The following MED22 variants were observed in gnomAD, a reference collection of about 807,000 sequenced individuals.
MED22 encodes mediator complex subunit 22.
A neutral mutation model predicts 22.7 loss-of-function variants in MED22; 22 were observed. That is an observed-to-expected ratio of 0.97 (90% CI 0.69 to 1.38). The LOEUF (loss-of-function observed/expected upper bound fraction) is 1.38. Ranked by LOEUF, MED22 falls within the 40% of genes most tolerant of loss-of-function variation. The probability of loss-of-function intolerance (pLI) is 0.00; values close to 1 mark genes in which losing one functional copy is unlikely to be tolerated. For missense variants in MED22, 247 were observed against 263.0 expected, an observed-to-expected ratio of 0.94 and a Z score of 0.42; for synonymous variants, 134 against 119.4, an observed-to-expected ratio of 1.12 and a Z score of -0.80.
At position 133,338,733 on chromosome 9, in the gene MED22, C is replaced by T. The variant is rs1156602951; in HGVS notation, c.*2772G>A. 1 of 313,954 alleles carries T rather than the reference C, an allele frequency of 3.2e-6. No homozygotes were observed. Among genetic ancestry groups the T allele is most frequent in the Admixed American group, 4.0e-5 (1 of 24,774 alleles). 19.4% of individuals were successfully genotyped at this position (313,954 alleles called of 1,614,324 possible). On this transcript the variant is annotated 3_prime_UTR_variant, in exon 5 of 5. Transcript: ENST00000343730. ...CTGGGGTTGCAGGCGTAAGCCACCG[C>T]GCCCGGCCGATTTCTATACTTTTTA...
Position 133,346,616 on chromosome 9 carries a change from T to G in MED22, c.47A>C (p.Gln16Pro), listed in dbSNP as rs2129969148. Residue 16 changes from glutamine to proline, a missense_variant, in exon 2 of 5, where the codon CAG becomes CCG. By Grantham distance (76) the Gln-to-Pro change is moderately conservative. Transcript: ENST00000343730. ...ALPQSKETLL[Q>P]SYNKRLKDDI... Reference sequence around the variant, plus strand: ...GTCCTTCAGCCGCTTGTTGTAGGACTGCAGCAGCGTCTCCTTGCTCTGGGG... The same window carrying G: ...GTCCTTCAGCCGCTTGTTGTAGGACGGCAGCAGCGTCTCCTTGCTCTGGGG... 6.2e-7 allele frequency: 1 copy of G among 1,612,926 alleles called. No individual in the cohort carries two copies. Among genetic ancestry groups the G allele is most frequent in the Admixed American group, 1.7e-5 (1 of 60,032 alleles).
chr9:133,348,065 C>A lies in MED22; in HGVS notation c.-182G>T. On this transcript the variant is annotated 5_prime_UTR_variant, in exon 1 of 5. Coordinates refer to ENST00000343730, the MANE Select transcript of MED22 (RefSeq NM_133640.5). Reference sequence around the variant, plus strand: ...GCAGTCTCTCTTCCCCGCCGCGCCGCGGTCCGAAAACCTAGTCAGCCGCCG... The same window carrying A: ...GCAGTCTCTCTTCCCCGCCGCGCCGAGGTCCGAAAACCTAGTCAGCCGCCG... The A allele has an allele frequency of 1.2e-6, 1 of 831,626 alleles. No individual in the cohort carries two copies. The highest frequency in any genetic ancestry group is 2.0e-6 in the Non-Finnish European group (1 of 506,734). 51.5% of individuals were successfully genotyped at this position (831,626 alleles called of 1,614,324 possible).
chr9:133,341,308 T>G lies in MED22; in HGVS notation c.*197A>C. 4.1e-6 allele frequency: 2 copies of G among 490,510 alleles called. No individual in the cohort carries two copies. The allele number at this position is 490,510 out of a possible 1,614,324, so 30.4% of individuals were successfully genotyped here. ...CTCGGAATGATGGGCTATTCGGAAA[T>G]GGCTAGGGAAACAACTGTTTCCCTA... On this transcript the variant is annotated 3_prime_UTR_variant, in exon 5 of 5. Transcript: ENST00000343730.
In MED22 at chr9:133,339,455, T is replaced by C; in HGVS notation, c.*2050A>G. The C allele has an allele frequency of 1.3e-6, 1 of 752,080 alleles. No homozygotes were observed. Among genetic ancestry groups the C allele is most frequent in the Non-Finnish European group, 2.4e-6 (1 of 409,148 alleles). 46.6% of individuals were successfully genotyped at this position (752,080 alleles called of 1,614,324 possible). On this transcript the variant is annotated 3_prime_UTR_variant, in exon 5 of 5. Transcript: ENST00000343730. Reference sequence around the variant, plus strand: ...CTGCTGGAACCTCTTCCCTATGAATTCATGGCATCGTGGGTGTTAAAAAAA... The same window carrying C: ...CTGCTGGAACCTCTTCCCTATGAATCCATGGCATCGTGGGTGTTAAAAAAA...
chr9:133,339,394 C>T lies in MED22; in HGVS notation c.*2111G>A. ...AAGCGCCAGCCTGCTCCACCCAGAG[C>T]AGCACACTGTGAGAACCAATGGGAA... On this transcript the variant is annotated 3_prime_UTR_variant, in exon 5 of 5. Transcript: ENST00000343730. The T allele has an allele frequency of 1.3e-6, 1 of 754,742 alleles. No homozygotes were observed. Among genetic ancestry groups the T allele is most frequent in the South Asian group, 1.4e-5 (1 of 73,216 alleles). The allele number at this position is 754,742 out of a possible 1,614,324, so 46.8% of individuals were successfully genotyped here. A position where few individuals can be genotyped will look rare whatever the true frequency, so the allele number is the denominator to read the frequency against.
Position 133,344,184 on chromosome 9 carries a change from C to T in MED22, c.354G>A (p.Thr118=), listed in dbSNP as rs2129960190. ...LQEECDRKLI[T]LRDEISIDLY... ...GGTCAATGGAGATCTCGTCTCGCAG[C>T]GTGATGAGCTTCCGGTCGCACTCCT... Residue 118 remains threonine, a synonymous_variant, in exon 4 of 5, where the codon ACG becomes ACA. Transcript: ENST00000343730. The T allele has an allele frequency of 4.3e-6, 7 of 1,614,156 alleles. No individual in the cohort carries two copies. The African/African-American group carries it at 6.7e-5, about 15-fold the overall frequency.
At chr9:133,343,195 T>C in intron 4 of MED22, 1 of 1,105,282 alleles carries the variant, frequency 9.0e-7, no homozygotes, top group Non-Finnish European at 1.1e-6. Context: ...TGGATATCTG[T>C]GGCTCCCAGC....
chr9:133,346,453 A>G, intron 2 of MED22, 87 bp downstream of exon 2: 1 of 1,540,428 alleles, frequency 6.5e-7, no homozygotes, highest in Non-Finnish European at 8.8e-7. Flanking sequence ...CTAGAACACT[A>G]TTCACTCGCG....
intron 4 of MED22, chr9:133,342,241 C>T: frequency 1.0e-6 from 1 of 986,534 alleles, no homozygotes; most frequent in Non-Finnish European, 1.2e-6. Context: ...CAGCAGGCGT[C>T]CCCACCTCTA....
At chr9:133,341,800 C>T in intron 4 of MED22, 106 bp from the exon 5 acceptor site, 1 of 1,486,602 alleles carries the variant, frequency 6.7e-7, no homozygotes, top group Non-Finnish European at 8.9e-7. Context: ...ACGACCACAC[C>T]CCAGACCTGC....
At chr9:133,345,786 C>T (rs1243821570) in intron 2 of MED22, among the ~76,000 whole-genome samples, 1 of 152,214 alleles carries the variant, frequency 6.6e-6, no homozygotes, top group Non-Finnish European at 1.5e-5. Flanking sequence ...GATGGGGCTT[C>T]CCGGCAGGCC....
Position 133,344,349 on chromosome 9 carries a change from C to T in MED22, c.205-16G>A. The stretch of plus-strand genomic sequence containing the variant: ...CGGCTCGGACCTGTGGCCATCAGAA[C>T]CAGGGCGGGCACAGGGTGAGGGGGG... On this transcript the variant is annotated splice_polypyrimidine_tract_variant and intron_variant, in intron 3 of 4. Transcript: ENST00000343730. 6.2e-7 allele frequency: 1 copy of T among 1,613,556 alleles called. No homozygotes were observed.
chr9:133,345,281 C>A, intron 2 of MED22, 29 bp from the exon 3 acceptor site: 1 of 1,610,386 alleles, frequency 6.2e-7, no homozygotes, highest in South Asian at 1.1e-5. Flanking sequence ...ACCTAGAAAT[C>A]AACCCAGCCA....
chr9:133,339,724 G>A lies in MED22; in HGVS notation c.*1781C>T, dbSNP rs1392412133. On this transcript the variant is annotated 3_prime_UTR_variant, in exon 5 of 5. Coordinates refer to ENST00000343730, the MANE Select transcript of MED22 (RefSeq NM_133640.5). Reference sequence around the variant, plus strand: ...GTTACATGGACTGAGAATGGGCCGGGGCTTAGCAATGTGGAGGCCACTGGT... The same window carrying A: ...GTTACATGGACTGAGAATGGGCCGGAGCTTAGCAATGTGGAGGCCACTGGT... The A allele has an allele frequency of 2.3e-5, 6 of 257,746 alleles. No individual in the cohort carries two copies. The highest frequency in any genetic ancestry group is 4.5e-5 in the Non-Finnish European group (6 of 133,080). The allele number at this position is 257,746 out of a possible 1,614,324, so 16.0% of individuals were successfully genotyped here.
intron 4 of MED22, chr9:133,343,128 C>T (rs1306553538): frequency 1.9e-6 from 2 of 1,026,536 alleles, no homozygotes; most frequent in African/African-American, 3.4e-5. Context: ...ACTGCTGCAG[C>T]TCAGCAGTGC....
Position 133,339,629 on chromosome 9 carries a change from CAG to C in MED22, c.*1874_*1875del. ...GGTGATGGACGAAGGAGAATGTGCTCAGAGAGGCAAACTGACAAGTACTTCCA... is the reference window on the plus strand; with the variant it reads ...GGTGATGGACGAAGGAGAATGTGCTCAGAGGCAAACTGACAAGTACTTCCA... On this transcript the variant is annotated 3_prime_UTR_variant, in exon 5 of 5. Transcript: ENST00000343730. The C allele has an allele frequency of 5.0e-6, 2 of 397,246 alleles. No homozygotes were observed. Among genetic ancestry groups the C allele is most frequent in the Non-Finnish European group, 9.3e-6 (2 of 215,768 alleles). 24.6% of individuals were successfully genotyped at this position (397,246 alleles called of 1,614,324 possible). A position where few individuals can be genotyped will look rare whatever the true frequency, so the allele number is the denominator to read the frequency against.
chr9:133,342,152 G>C, intron 4 of MED22: 1 of 996,772 alleles, frequency 1.0e-6, no homozygotes, highest in African/African-American at 1.7e-5. Flanking sequence ...CCCTGCCTGA[G>C]ACTTAGCCTG....
At chr9:133,342,546 C>G (rs931035324) in intron 4 of MED22, 6 of 985,728 alleles carry the variant, frequency 6.1e-6, no homozygotes, top group Non-Finnish European at 7.2e-6. Context: ...GCAGCTCATG[C>G]GGAACAGGGC....
At chr9:133,343,286 A>G in intron 4 of MED22, 1 of 1,225,704 alleles carries the variant, frequency 8.2e-7, no homozygotes, top group Non-Finnish European at 1.0e-6. Flanking sequence ...CAAGATGGAC[A>G]TGGACTCTGC....
Sources: allele counts gnomAD v4.1 joint callset (sites outside exome capture counted in the v4.1 genomes callset), GRCh38; gene constraint gnomAD v4.1.1; transcripts MANE v1.5; gene names NCBI Gene and HGNC (gene_info 2026-07-23, HGNC 2026-07-21).